NSMCE2: variants seen among roughly 807,000 people sequenced by gnomAD.
NSMCE2 encodes the protein E3 SUMO-protein ligase NSE2.
In NSMCE2, 24 loss-of-function variants were observed where a neutral mutation model predicts 23.8. That is an observed-to-expected ratio of 1.01 (90% CI 0.73 to 1.42). The LOEUF (loss-of-function observed/expected upper bound fraction) is 1.42. NSMCE2 is among the 40% of genes most tolerant of loss of function. The pLI is 0.00. For synonymous variants in NSMCE2, 92 were observed against 94.1 expected, an observed-to-expected ratio of 0.98 and a Z score of 0.13; for missense variants, 284 against 296.5, an observed-to-expected ratio of 0.96 and a Z score of 0.31.
At chr8:125,332,949 A>G (rs1315164905) in intron 5 of NSMCE2, among the ~76,000 whole-genome samples, 2 of 152,194 alleles carry the variant, frequency 1.3e-5, no homozygotes, top group Non-Finnish European at 2.9e-5. Flanking sequence ...AGAGAGAGGG[A>G]TAAGATGATC....
At chr8:125,156,097 T>A (rs1038247043) in intron 4 of NSMCE2, 1 of 357,678 alleles carries the variant, frequency 2.8e-6, no homozygotes, top group Non-Finnish European at 5.4e-6. Context: ...CTGGACAACA[T>A]AGTAAGACTC....
intron 4 of NSMCE2, among the ~76,000 whole-genome samples, chr8:125,174,134 T>G (rs900448841): frequency 6.6e-6 from 1 of 152,190 alleles, no homozygotes; most frequent in Non-Finnish European, 1.5e-5. Context: ...CTCCCAGCAC[T>G]TGATATATTT....
chr8:125,167,615 C>A (rs1438303100), intron 4 of NSMCE2, among the ~76,000 whole-genome samples: 2 of 151,986 alleles, frequency 1.3e-5, no homozygotes, highest in East Asian at 1.9e-4. Flanking sequence ...AGCCTGGCAA[C>A]TGAGCAAGAC....
At chr8:125,192,085 T>C (rs149502633) in intron 5 of NSMCE2, among the ~76,000 whole-genome samples, 1 of 152,304 alleles carries the variant, frequency 6.6e-6, no homozygotes, top group Non-Finnish European at 1.5e-5. Flanking sequence ...GTTTCTCTCA[T>C]TGTGACTTAT....
chr8:125,156,545 T>C (rs192237484), intron 4 of NSMCE2, among the ~76,000 whole-genome samples: 1 of 152,328 alleles, frequency 6.6e-6, no homozygotes, highest in East Asian at 1.9e-4. Context: ...CTGGAGCAAG[T>C]AGGTGCTAGG....
At chr8:125,262,405 C>T (rs1210397197) in intron 5 of NSMCE2, among the ~76,000 whole-genome samples, 2 of 152,130 alleles carry the variant, frequency 1.3e-5, no homozygotes, top group Non-Finnish European at 2.9e-5. Context: ...GCCTGGGAGA[C>T]AGAGTGAGAC....
At chr8:125,219,112 G>T (rs141420258) in intron 5 of NSMCE2, among the ~76,000 whole-genome samples, 1 of 152,104 alleles carries the variant, frequency 6.6e-6, no homozygotes, top group Non-Finnish European at 1.5e-5. Flanking sequence ...ACTTTAATGG[G>T]ATAAACTTTT....
chr8:125,203,208 C>A (rs989499161), intron 5 of NSMCE2, among the ~76,000 whole-genome samples: 3 of 151,000 alleles, frequency 2.0e-5, no homozygotes, highest in African/African-American at 7.3e-5. Flanking sequence ...AAAAAAAAAT[C>A]ACCAGATAAC....
intron 5 of NSMCE2, among the ~76,000 whole-genome samples, chr8:125,292,423 A>G (rs1828146679): frequency 6.6e-6 from 1 of 152,014 alleles, no homozygotes; most frequent in Admixed American, 6.6e-5. Context: ...GTGTGGTAGC[A>G]CATGCTTGTA....
intron 4 of NSMCE2, among the ~76,000 whole-genome samples, chr8:125,159,980 C>T (rs1821520155): frequency 6.6e-6 from 1 of 151,380 alleles, no homozygotes; most frequent in Admixed American, 6.6e-5. Context: ...AAAAATTGTT[C>T]AGTTGGTGCC....
At chr8:125,130,684 A>T (rs546573117) in intron 3 of NSMCE2, among the ~76,000 whole-genome samples, 1 of 152,224 alleles carries the variant, frequency 6.6e-6, no homozygotes, top group Non-Finnish European at 1.5e-5. Context: ...TATGTAGGCT[A>T]ATGTATGTGT....
At chr8:125,202,770 G>A (rs1336780047) in intron 5 of NSMCE2, among the ~76,000 whole-genome samples, 1 of 151,936 alleles carries the variant, frequency 6.6e-6, no homozygotes, top group Non-Finnish European at 1.5e-5. Context: ...TTATCAATTG[G>A]CATGAATTCT....
intron 4 of NSMCE2, 64 bp from the exon 5 acceptor site, chr8:125,182,039 G>A: frequency 8.3e-7 from 1 of 1,211,116 alleles, no homozygotes; most frequent in Admixed American, 2.4e-5. Context: ...AAACAATGTT[G>A]CAAAACTTTG....
At chr8:125,267,041 G>C (rs1586693674) in intron 5 of NSMCE2, among the ~76,000 whole-genome samples, 1 of 108,190 alleles carries the variant, frequency 9.2e-6, no homozygotes, top group Admixed American at 1.4e-4. Context: ...GTCTTGCTCT[G>C]TCTCCCAGGC....
intron 5 of NSMCE2, among the ~76,000 whole-genome samples, chr8:125,257,392 A>G (rs887514028): frequency 1.3e-5 from 2 of 152,138 alleles, no homozygotes; most frequent in Non-Finnish European, 2.9e-5. Context: ...GAGTCATCTC[A>G]GAAACCAAAG....
At chr8:125,252,593 A>G (rs1055738807) in intron 5 of NSMCE2, among the ~76,000 whole-genome samples, 5 of 152,240 alleles carry the variant, frequency 3.3e-5, no homozygotes, top group African/African-American at 4.8e-5. Flanking sequence ...GACTATCTCA[A>G]AAATTGGCAT....
At chr8:125,218,683 A>T (rs941033960) in intron 5 of NSMCE2, among the ~76,000 whole-genome samples, 2 of 152,140 alleles carry the variant, frequency 1.3e-5, no homozygotes, top group Non-Finnish European at 2.9e-5. Flanking sequence ...AAGTGCTAGG[A>T]TTATAGGTGT....
chr8:125,202,396 A>G (rs770631259), intron 5 of NSMCE2, among the ~76,000 whole-genome samples: 3 of 152,228 alleles, frequency 2.0e-5, no homozygotes, highest in Non-Finnish European at 2.9e-5. Context: ...TTAGTCACCT[A>G]TATATGTTGA....
intron 5 of NSMCE2, among the ~76,000 whole-genome samples, chr8:125,268,933 T>G (rs1042385153): frequency 1.3e-5 from 2 of 152,152 alleles, no homozygotes; most frequent in African/African-American, 4.8e-5. Context: ...ATTTTAAAAT[T>G]TGGCAGGTAT....
Sources: allele counts gnomAD v4.1 joint callset (sites outside exome capture counted in the v4.1 genomes callset), GRCh38; gene constraint gnomAD v4.1.1; transcripts MANE v1.5; gene names NCBI Gene and HGNC (gene_info 2026-07-23, HGNC 2026-07-21).